Variants in FBXL17 observed in about 807,000 individuals in gnomAD.
The protein encoded by FBXL17 is F-box and leucine rich repeat protein 17.
Under a neutral mutation model 66.2 loss-of-function variants are expected in FBXL17, and 22 were observed. That is an observed-to-expected ratio of 0.33 (90% CI 0.24 to 0.47). The LOEUF (loss-of-function observed/expected upper bound fraction) is 0.47. Ranked by LOEUF, FBXL17 falls within the 20% of genes least tolerant of loss-of-function variation. FBXL17 has a pLI of 1.00. For missense variants in FBXL17, 878 were observed against 948.2 expected, an observed-to-expected ratio of 0.93 and a Z score of 0.97; for synonymous variants, 474 against 400.5, an observed-to-expected ratio of 1.18 and a Z score of -2.19.
intron 4 of FBXL17, among the ~76,000 whole-genome samples, chr5:108,304,428 T>G (rs1244002216): frequency 6.6e-6 from 1 of 151,934 alleles, no homozygotes; most frequent in Non-Finnish European, 1.5e-5. Context: ...AAAAGTTTCC[T>G]GAATTCCAAA....
At chr5:108,339,864 C>T (rs538448897) in intron 4 of FBXL17, among the ~76,000 whole-genome samples, 3 of 152,096 alleles carry the variant, frequency 2.0e-5, no homozygotes, top group South Asian at 2.1e-4. Flanking sequence ...ATTTGGCCAT[C>T]TCCTATCATC....
At chr5:108,375,762 C>A (rs970073270) in intron 1 of FBXL17, among the ~76,000 whole-genome samples, 3 of 152,098 alleles carry the variant, frequency 2.0e-5, no homozygotes, top group African/African-American at 7.2e-5. Context: ...ATACTACTTC[C>A]CAACTCATGC....
chr5:108,354,171 A>G (rs898242074), intron 3 of FBXL17, among the ~76,000 whole-genome samples: 2 of 152,178 alleles, frequency 1.3e-5, no homozygotes, highest in African/African-American at 4.8e-5. Flanking sequence ...CCACCTTTCA[A>G]TGAAAAATTA....
intron 6 of FBXL17, among the ~76,000 whole-genome samples, chr5:108,053,068 A>C (rs1747544675): frequency 6.6e-6 from 1 of 152,244 alleles, no homozygotes; most frequent in African/African-American, 2.4e-5. Context: ...TAAACACTTA[A>C]ATGTAAAACC....
At chr5:108,166,767 A>G (rs1346925360) in intron 6 of FBXL17, among the ~76,000 whole-genome samples, 2 of 152,172 alleles carry the variant, frequency 1.3e-5, no homozygotes, top group Non-Finnish European at 2.9e-5. Flanking sequence ...GTTCAAAATT[A>G]AATATAAACA....
At chr5:108,298,368 T>C in intron 4 of FBXL17, 4 of 981,048 alleles carry the variant, frequency 4.1e-6, no homozygotes, top group Non-Finnish European at 3.6e-6. Flanking sequence ...TAGAGAAAGT[T>C]ATTTCTTTCT....
At chr5:107,883,101 G>C (rs1748846113) in intron 7 of FBXL17, among the ~76,000 whole-genome samples, 1 of 152,176 alleles carries the variant, frequency 6.6e-6, no homozygotes, top group Non-Finnish European at 1.5e-5. Context: ...CACCTCGTGA[G>C]CTCTAGAGCA....
chr5:108,310,112 A>G (rs971426701), intron 4 of FBXL17, among the ~76,000 whole-genome samples: 7 of 152,144 alleles, frequency 4.6e-5, no homozygotes, highest in African/African-American at 1.7e-4. Context: ...ATTCTATTTG[A>G]GGGTAATTCA....
chr5:108,114,704 T>C (rs999147385), intron 6 of FBXL17, among the ~76,000 whole-genome samples: 2 of 152,188 alleles, frequency 1.3e-5, no homozygotes, highest in African/African-American at 4.8e-5. Context: ...TTGGTTGGCT[T>C]TTCAATGCCT....
chr5:108,148,178 G>T (rs1054916519), intron 6 of FBXL17, among the ~76,000 whole-genome samples: 13 of 152,130 alleles, frequency 8.5e-5, no homozygotes, highest in Non-Finnish European at 1.6e-4. Context: ...AAGTAAGTCT[G>T]ACAAAAGAGT....
chr5:108,167,141 C>T (rs286773), intron 6 of FBXL17, among the ~76,000 whole-genome samples: 4,604 of 152,076 alleles, frequency 0.03, 236 homozygotes, highest in African/African-American at 0.1. Flanking sequence ...ATAATGAGTA[C>T]ACTATAATTG....
intron 7 of FBXL17, among the ~76,000 whole-genome samples, chr5:107,920,533 T>C (rs979755025): frequency 2.6e-5 from 4 of 152,172 alleles, no homozygotes; most frequent in African/African-American, 9.7e-5. Context: ...ACATGAATTA[T>C]CAGAAGGGAT....
chr5:108,296,388 A>G (rs1043635485), intron 4 of FBXL17, among the ~76,000 whole-genome samples: 3 of 151,922 alleles, frequency 2.0e-5, no homozygotes, highest in African/African-American at 7.2e-5. Flanking sequence ...TAAAATGCCA[A>G]TTTAGTTTCT....
intron 5 of FBXL17, among the ~76,000 whole-genome samples, chr5:108,223,432 T>C (rs896460424): frequency 2.8e-5 from 4 of 141,900 alleles, no homozygotes; most frequent in Admixed American, 6.7e-5. Flanking sequence ...CTAAGTACTA[T>C]AGGATAGAAC....
chr5:108,281,591 A>G (rs1246202645), intron 4 of FBXL17, among the ~76,000 whole-genome samples: 7 of 151,880 alleles, frequency 4.6e-5, no homozygotes, highest in Admixed American at 1.3e-4. Context: ...AAGAAAGATT[A>G]CAAATTGCCA....
chr5:108,345,600 TAAG>T (rs1747222227), intron 4 of FBXL17, among the ~76,000 whole-genome samples: 1 of 150,336 alleles, frequency 6.7e-6, no homozygotes, highest in Non-Finnish European at 1.5e-5. Flanking sequence ...TTAAATAACT[TAAG>T]AAGAAATTTT....
chr5:108,148,831 G>T (rs1397194250), intron 6 of FBXL17, among the ~76,000 whole-genome samples: 1 of 152,184 alleles, frequency 6.6e-6, no homozygotes, highest in African/African-American at 2.4e-5. Flanking sequence ...CTAAGTGGCA[G>T]TTCATGCTAC....
intron 6 of FBXL17, among the ~76,000 whole-genome samples, chr5:108,135,196 C>T (rs912578453): frequency 2.0e-5 from 3 of 152,080 alleles, no homozygotes; most frequent in Admixed American, 2.0e-4. Flanking sequence ...TATAAGTCAT[C>T]TGTTTACTTA....
Position 108,350,571 on chromosome 5 carries a change from A to G in FBXL17, c.1375-2041T>C, listed in dbSNP as rs1313831048. Among the ~76,000 whole-genome samples the G allele has an allele frequency of 3.9e-5, 6 of 152,250 alleles. 1 individual carries two copies. Among genetic ancestry groups the G allele is most frequent in the Admixed American group, 3.9e-4 (6 of 15,288 alleles). The stretch of plus-strand genomic sequence containing the variant: ...CAAATCATCAAAAAGTTTCAGAAAC[A>G]GGAGTTTAAAGAGATTCTACAGACT... On this transcript the variant is annotated intron_variant, in intron 3 of 8. Transcript: ENST00000542267.
Sources: gnomAD v4.1 joint callset for allele counts (sites outside exome capture counted in the v4.1 genomes callset) on GRCh38, gnomAD v4.1.1 for gene constraint, MANE v1.5 for transcripts, NCBI Gene and HGNC (gene_info 2026-07-23, HGNC 2026-07-21) for gene names.